Variants in SLC24A4 observed in about 807,000 individuals in gnomAD.
SLC24A4 encodes solute carrier family 24 member 4, also known as sodium/potassium/calcium exchanger 4.
SLC24A4 carries 53 observed loss-of-function variants against 79.0 expected under a neutral mutation model. The observed-to-expected ratio is 0.67, with a 90% CI of 0.54 to 0.84. The LOEUF is 0.84. SLC24A4 is among the 40% of genes least tolerant of loss of function. The pLI is 0.00. For synonymous variants in SLC24A4, 323 were observed against 323.8 expected, an observed-to-expected ratio of 1.00 and a Z score of 0.03; for missense variants, 731 against 822.0, an observed-to-expected ratio of 0.89 and a Z score of 1.35.
chr14:92,374,999 T>G (rs904040351), intron 2 of SLC24A4, among the ~76,000 whole-genome samples: 2 of 152,228 alleles, frequency 1.3e-5, no homozygotes, highest in Non-Finnish European at 2.9e-5. Flanking sequence ...AACCTAGATC[T>G]GGTTAGAAAC....
intron 1 of SLC24A4, among the ~76,000 whole-genome samples, chr14:92,324,953 A>G (rs897244613): frequency 2.0e-5 from 3 of 152,264 alleles, no homozygotes; most frequent in Non-Finnish European, 2.9e-5. Context: ...CTGCCTTTCG[A>G]AACCTAAACT....
At chr14:92,435,101 G>C (rs1055818939) in intron 3 of SLC24A4, among the ~76,000 whole-genome samples, 43 of 152,260 alleles carry the variant, frequency 2.8e-4, no homozygotes, top group African/African-American at 1.0e-3. Flanking sequence ...ACTTAAAATG[G>C]GCTTATCAAG....
At chr14:92,380,676 G>C (rs1346993232) in intron 2 of SLC24A4, among the ~76,000 whole-genome samples, 3 of 152,198 alleles carry the variant, frequency 2.0e-5, no homozygotes, top group Non-Finnish European at 4.4e-5. Flanking sequence ...TGCGGCTCCC[G>C]CCCAGGGTCA....
chr14:92,411,269 G>T (rs61975659), intron 2 of SLC24A4, among the ~76,000 whole-genome samples: 9,980 of 152,222 alleles, frequency 0.066, 437 homozygotes, highest in Non-Finnish European at 0.093. Flanking sequence ...ATATCCTGGA[G>T]CCTCTGTTGA....
intron 2 of SLC24A4, among the ~76,000 whole-genome samples, chr14:92,359,519 A>G (rs1286438162): frequency 3.3e-5 from 5 of 152,184 alleles, no homozygotes; most frequent in African/African-American, 1.2e-4. Context: ...GAATCGCGTG[A>G]ACCTGGGAGG....
chr14:92,363,762 G>T (rs192701896), intron 2 of SLC24A4, among the ~76,000 whole-genome samples: 202 of 152,224 alleles, frequency 1.3e-3, no homozygotes, highest in African/African-American at 4.7e-3. Flanking sequence ...CCCGGGAGGT[G>T]CAGGTTGCAG....
chr14:92,346,680 T>C (rs1264555915), intron 2 of SLC24A4, among the ~76,000 whole-genome samples: 1 of 152,216 alleles, frequency 6.6e-6, no homozygotes, highest in Non-Finnish European at 1.5e-5. Flanking sequence ...ATCAGTGTTT[T>C]GAACTAGGGC....
chr14:92,455,492 G>T (rs997772196), intron 11 of SLC24A4, among the ~76,000 whole-genome samples: 1 of 152,196 alleles, frequency 6.6e-6, no homozygotes, highest in Non-Finnish European at 1.5e-5. Context: ...TTGCCTGAAA[G>T]AAGCCAGTCA....
intron 2 of SLC24A4, among the ~76,000 whole-genome samples, chr14:92,424,280 G>A (rs4904910): frequency 0.42 from 63,877 of 152,038 alleles, 13,627 homozygotes; most frequent in Non-Finnish European, 0.44. Context: ...GAGGTAATAA[G>A]GGTTAAATAA....
chr14:92,483,632 CGGCTG>C, intron 13 of SLC24A4: 5 of 804,806 alleles, frequency 6.2e-6, no homozygotes, highest in Non-Finnish European at 9.1e-6. Context: ...AACCTTTCAT[CGGCTG>C]GGCTGGGCTG....
At chr14:92,391,327 C>T (rs141775877) in intron 2 of SLC24A4, among the ~76,000 whole-genome samples, 112 of 152,326 alleles carry the variant, frequency 7.4e-4, no homozygotes, top group Middle Eastern at 3.4e-3. Flanking sequence ...TGGATTGGAT[C>T]TCCAGGTTTT....
chr14:92,493,250 C>A (rs975266802), intron 16 of SLC24A4, among the ~76,000 whole-genome samples: 10 of 152,074 alleles, frequency 6.6e-5, no homozygotes, highest in African/African-American at 2.4e-4. Flanking sequence ...GCTGTGTATC[C>A]CTGAGTCAAT....
At chr14:92,465,902 A>G (rs544444986) in intron 12 of SLC24A4, among the ~76,000 whole-genome samples, 1 of 152,172 alleles carries the variant, frequency 6.6e-6, no homozygotes, top group South Asian at 2.1e-4. Context: ...CTGATACCTG[A>G]TGTTTTTCCT....
intron 1 of SLC24A4, among the ~76,000 whole-genome samples, chr14:92,325,321 G>A (rs960586360): frequency 2.6e-5 from 4 of 152,186 alleles, no homozygotes; most frequent in Admixed American, 6.5e-5. Flanking sequence ...ATGGCCCCTG[G>A]ACCAGCAGAA....
chr14:92,467,859 A>G (rs1261253332), intron 12 of SLC24A4, among the ~76,000 whole-genome samples: 1 of 152,190 alleles, frequency 6.6e-6, no homozygotes, highest in Non-Finnish European at 1.5e-5. Context: ...GGGTGTGCTG[A>G]TGCTGCAGCA....
At position 92,331,747 on chromosome 14, in the gene SLC24A4, G is replaced by A. The variant is rs186213733; in HGVS notation, c.241+5769G>A. Among the ~76,000 whole-genome samples the A allele has an allele frequency of 2.0e-5, 3 of 152,290 alleles. No homozygotes were observed. The East Asian group carries it at 5.8e-4, about 29-fold the overall frequency. On this transcript the variant is annotated intron_variant, in intron 2 of 16. Transcript: ENST00000532405. ...TTAACTCTTGAACAAACCTGCATGG[G>A]TCACTTCTATGTGGATTTTTTTCTG...
intron 2 of SLC24A4, among the ~76,000 whole-genome samples, chr14:92,410,806 G>A (rs1044280269): frequency 3.3e-5 from 5 of 152,174 alleles, no homozygotes; most frequent in Non-Finnish European, 1.5e-5. Context: ...TTGCCTCTGC[G>A]GTCTCTGGAT....
In SLC24A4 at chr14:92,461,348, G is replaced by T. The variant is rs573848617; in HGVS notation, c.1255+4740G>T. Among the ~76,000 whole-genome samples the T allele has an allele frequency of 2.6e-5, 4 of 152,330 alleles. No homozygotes were observed. The South Asian group carries it at 8.3e-4, about 32-fold the overall frequency. On this transcript the variant is annotated intron_variant, in intron 12 of 16. Transcript: ENST00000532405. ...GCAGGAAATGGGGAATTCTTCTATT[G>T]CTCTGTAATTCTTATATTAGTCAGC...
rs1440907275 is a variant in SLC24A4 at position 92,501,384 on chromosome 14, C to T, written c.*7756C>T. The T allele has an allele frequency of 1.3e-5, 2 of 152,176 alleles. No homozygotes were observed. Among genetic ancestry groups the T allele is most frequent in the Non-Finnish European group, 1.5e-5 (1 of 68,030 alleles). 9.4% of individuals were successfully genotyped at this position (152,176 alleles called of 1,614,324 possible). A position where few individuals can be genotyped will look rare whatever the true frequency, so the allele number is the denominator to read the frequency against. ...TTTTTATTGTGAAGAAAAAAATCTA[C>T]AGCAATCTAAACTAAACCTTTCTAA... is the stretch of plus-strand genomic sequence containing the variant. On this transcript the variant is annotated 3_prime_UTR_variant, in exon 17 of 17. Transcript: ENST00000532405.
Sources: gnomAD v4.1 joint callset for allele counts (sites outside exome capture counted in the v4.1 genomes callset) on GRCh38, gnomAD v4.1.1 for gene constraint, MANE v1.5 for transcripts, NCBI Gene and HGNC (gene_info 2026-07-23, HGNC 2026-07-21) for gene names.